The following NBAS variants were observed in gnomAD, a reference collection of about 807,000 sequenced individuals.
The protein encoded by NBAS is NAG/BC035112 fusion.
A neutral mutation model predicts 302.5 loss-of-function variants in NBAS; 219 were observed. The observed-to-expected ratio is 0.72, with a 90% confidence interval of 0.65 to 0.81. The LOEUF (loss-of-function observed/expected upper bound fraction) is 0.81. Ranked by LOEUF, NBAS falls within the 30% of genes least tolerant of loss-of-function variation. The pLI, the probability that NBAS is intolerant of heterozygous loss-of-function variation, is 0.00. For synonymous variants in NBAS, 1,118 were observed against 1,021.6 expected, an observed-to-expected ratio of 1.09 and a Z score of -1.80; for missense variants, 2,932 against 2,841.6, an observed-to-expected ratio of 1.03 and a Z score of -0.72.
chr2:15,218,924 G>C lies in NBAS; in HGVS notation c.6281C>G (p.Pro2094Arg), dbSNP rs771946757. 6.2e-7 allele frequency: 1 copy of C among 1,614,238 alleles called. No homozygotes were observed. Among genetic ancestry groups the C allele is most frequent in the Admixed American group, 1.7e-5 (1 of 60,034 alleles). Residue 2094 changes from proline (P) to arginine (R), a missense_variant, in exon 48 of 52, where the codon CCT (proline) becomes CGT (arginine). Transcript: ENST00000281513. ...SPEDLLEWLR[P>R]FCADDAWPVR... ...CGGCCAGGCGTCATCAGCACAGAAAGGCCGCAGCCACTCCAGCAGGTCCTC... is the reference window on the plus strand; with the variant it reads ...CGGCCAGGCGTCATCAGCACAGAAACGCCGCAGCCACTCCAGCAGGTCCTC...
the NBAS span, among the ~76,000 whole-genome samples, chr2:14,985,463 G>T: frequency 6.6e-6 from 1 of 152,204 alleles, no homozygotes; most frequent in Non-Finnish European, 1.5e-5. Context: ...AGGAAGTAAA[G>T]CTTCTAGTGA....
the NBAS span, among the ~76,000 whole-genome samples, chr2:15,025,589 C>T: frequency 6.6e-6 from 1 of 152,114 alleles, no homozygotes; most frequent in Non-Finnish European, 1.5e-5. Context: ...TTCTTCTTAT[C>T]CATGAGGATG....
intron 25 of NBAS, among the ~76,000 whole-genome samples, chr2:15,414,901 T>C (rs747668235): frequency 1.9e-4 from 29 of 152,134 alleles, no homozygotes; most frequent in Non-Finnish European, 4.0e-4. Context: ...GCCAAGATCA[T>C]GCCACTGCAC....
At chr2:15,421,157 AC>A (rs1249938194) in intron 23 of NBAS, among the ~76,000 whole-genome samples, 2 of 152,078 alleles carry the variant, frequency 1.3e-5, no homozygotes, top group African/African-American at 2.4e-5. Context: ...AAACAAAAAA[AC>A]CTCTATCTCA....
the NBAS span, among the ~76,000 whole-genome samples, chr2:14,909,914 A>G: frequency 4.6e-5 from 7 of 152,192 alleles, no homozygotes; most frequent in Non-Finnish European, 1.0e-4. Context: ...GGGTTAACTT[A>G]TTCCAAAATT....
At chr2:14,810,788 T>A in the NBAS span, among the ~76,000 whole-genome samples, 7 of 152,176 alleles carry the variant, frequency 4.6e-5, no homozygotes, top group African/African-American at 1.7e-4. Context: ...AAAAGCATGA[T>A]AAGTAACATC....
intron 35 of NBAS, among the ~76,000 whole-genome samples, chr2:15,339,032 A>G (rs1379618945): frequency 2.0e-5 from 3 of 152,082 alleles, no homozygotes; most frequent in Admixed American, 6.6e-5. Flanking sequence ...TTTTTTAAAA[A>G]TCAATATTAA....
the NBAS span, among the ~76,000 whole-genome samples, chr2:15,117,587 A>G: frequency 6.6e-6 from 1 of 152,228 alleles, no homozygotes; most frequent in Non-Finnish European, 1.5e-5. Context: ...AGAGTTAGAC[A>G]TGTTCCCTAG....
At chr2:15,048,530 G>T in the NBAS span, among the ~76,000 whole-genome samples, 25 of 152,302 alleles carry the variant, frequency 1.6e-4, no homozygotes, top group African/African-American at 6.0e-4. Context: ...TTCTTCTCAC[G>T]CTGAGAACCA....
the NBAS span, among the ~76,000 whole-genome samples, chr2:15,025,047 G>A: frequency 1.3e-5 from 2 of 152,124 alleles, no homozygotes. Flanking sequence ...TAGTTCCAAT[G>A]TCCAAAATGG....
intron 44 of NBAS, among the ~76,000 whole-genome samples, chr2:15,259,297 C>T (rs1186787684): frequency 6.6e-6 from 1 of 152,156 alleles, no homozygotes; most frequent in East Asian, 1.9e-4. Flanking sequence ...ACTACACAAA[C>T]TCTCCACACA....
rs575151690 is a variant in NBAS, at chr2:15,272,731, AAG to A, written c.5724+2751_5724+2752del. Reference sequence around the variant, plus strand: ...ATGCTTGCATTATACCATCTGAGCTAAGAGAAAGCAATACAGTAATTAGCAGA... The same window carrying A: ...ATGCTTGCATTATACCATCTGAGCTAAGAAAGCAATACAGTAATTAGCAGA... On this transcript the variant is annotated intron_variant, in intron 44 of 51. Transcript: ENST00000281513. 3.4e-3 allele frequency among the ~76,000 whole-genome samples: 517 copies of A among 152,280 alleles called. 2 individuals are homozygous for A. The highest frequency in any genetic ancestry group is 0.012 in the African/African-American group (490 of 41,558).
chr2:15,352,148 G>C, intron 34 of NBAS, 67 bp from the exon 35 acceptor site: 3 of 1,102,596 alleles, frequency 2.7e-6, no homozygotes, highest in Non-Finnish European at 4.1e-6. Flanking sequence ...TCACAATATA[G>C]GCTTGAAATT....
chr2:15,113,847 A>G, the NBAS span, among the ~76,000 whole-genome samples: 1 of 152,140 alleles, frequency 6.6e-6, no homozygotes, highest in South Asian at 2.1e-4. Context: ...TCAATAAATA[A>G]AAAGAAAGAT....
the NBAS span, among the ~76,000 whole-genome samples, chr2:15,097,686 C>T: frequency 6.6e-6 from 1 of 151,324 alleles, no homozygotes; most frequent in African/African-American, 2.4e-5. Flanking sequence ...ACTAATCCCA[C>T]TCAGGAGGGC....
At chr2:14,947,129 C>T in the NBAS span, among the ~76,000 whole-genome samples, 5 of 151,956 alleles carry the variant, frequency 3.3e-5, no homozygotes, top group African/African-American at 1.2e-4. Flanking sequence ...AAAAACAAAA[C>T]AAACCCAAAA....
At chr2:15,309,877 AT>A (rs1671200118) in intron 38 of NBAS, among the ~76,000 whole-genome samples, 1 of 152,188 alleles carries the variant, frequency 6.6e-6, no homozygotes, top group Non-Finnish European at 1.5e-5. Flanking sequence ...AAGAGTATGC[AT>A]TGTCAATACG....
At chr2:15,424,552 G>T in intron 22 of NBAS, 84 bp from the exon 23 acceptor site, 1 of 1,485,048 alleles carries the variant, frequency 6.7e-7, no homozygotes, top group Non-Finnish European at 9.4e-7. Flanking sequence ...CAGGGACAGA[G>T]ATGGGGAGAA....
At chr2:14,844,664 G>A in the NBAS span, among the ~76,000 whole-genome samples, 2 of 152,148 alleles carry the variant, frequency 1.3e-5, no homozygotes, top group African/African-American at 4.8e-5. Flanking sequence ...GGTCAGATGG[G>A]AGCCCACTGC....
Sources: allele counts gnomAD v4.1 joint callset (sites outside exome capture counted in the v4.1 genomes callset), GRCh38; gene constraint gnomAD v4.1.1; transcripts MANE v1.5; gene names NCBI Gene and HGNC (gene_info 2026-07-23, HGNC 2026-07-21).